Variants in CHSY1 observed in about 807,000 individuals in gnomAD.
The protein encoded by CHSY1 is chondroitin sulfate synthase 1, also known as N-acetylgalactosaminyl-proteoglycan 3-beta-glucuronosyltransferase 1.
CHSY1 carries 13 observed loss-of-function variants against 59.8 expected under a neutral mutation model. The observed-to-expected ratio is 0.22, with a 90% CI of 0.14 to 0.35. The LOEUF (loss-of-function observed/expected upper bound fraction) is 0.35. Ranked by LOEUF, CHSY1 falls within the 10% of genes least tolerant of loss-of-function variation. The pLI is 1.00. For synonymous variants in CHSY1, 459 were observed against 401.2 expected, an observed-to-expected ratio of 1.14 and a Z score of -1.72; for missense variants, 947 against 1,030.6, an observed-to-expected ratio of 0.92 and a Z score of 1.11.
At chr15:101,243,361 G>T (rs1036978851) in intron 1 of CHSY1, among the ~76,000 whole-genome samples, 6 of 152,128 alleles carry the variant, frequency 3.9e-5, no homozygotes, top group African/African-American at 1.4e-4. Context: ...ATAAATATGC[G>T]ACTAATACTT....
At position 101,240,468 on chromosome 15, in the gene CHSY1, C is replaced by T. The variant is rs75631179; in HGVS notation, c.321-4891G>A. Among the ~76,000 whole-genome samples the T allele has an allele frequency of 7.4e-3, 1,130 of 152,302 alleles. 15 individuals are homozygous for T. The highest frequency in any genetic ancestry group is 0.026 in the African/African-American group (1,077 of 41,554). On this transcript the variant is annotated intron_variant, in intron 1 of 2. Coordinates refer to ENST00000254190, the MANE Select transcript of CHSY1 (RefSeq NM_014918.5). ...CTCTCACTTAATTGAAATGACAAAA[C>T]GTTTGCAGAGGCCTTGCCAGAAAAA...
At chr15:101,245,130 T>C (rs1395155341) in intron 1 of CHSY1, among the ~76,000 whole-genome samples, 1 of 152,226 alleles carries the variant, frequency 6.6e-6, no homozygotes, top group Non-Finnish European at 1.5e-5. Flanking sequence ...CCCATCAGGC[T>C]ACTGTCCTGC....
chr15:101,238,611 T>G (rs1596454064), intron 1 of CHSY1, among the ~76,000 whole-genome samples: 1 of 152,362 alleles, frequency 6.6e-6, no homozygotes, highest in East Asian at 1.9e-4. Flanking sequence ...AAATGCATCC[T>G]AATTTCTGAG....
chr15:101,226,783 A>G (rs567557619), intron 2 of CHSY1, among the ~76,000 whole-genome samples: 1 of 152,366 alleles, frequency 6.6e-6, no homozygotes, highest in African/African-American at 2.4e-5. Flanking sequence ...AAATGAATGT[A>G]TGTGAATATT....
Position 101,179,253 on chromosome 15 carries a change from T to C in CHSY1, c.817-273A>G, listed in dbSNP as rs574246070. Among the ~76,000 whole-genome samples, 3 of 152,126 alleles carry C rather than the reference T, an allele frequency of 2.0e-5. No homozygotes were observed. In the South Asian group the frequency reaches 6.2e-4, roughly 32 times the overall value. On this transcript the variant is annotated intron_variant, in intron 2 of 2. Coordinates refer to ENST00000254190, the MANE Select transcript of CHSY1 (RefSeq NM_014918.5). ...AAAGTTGTCCCATAATGAAAACATA[T>C]AAAATTGAGATCACAGTGCACCACA...
intron 2 of CHSY1, among the ~76,000 whole-genome samples, chr15:101,191,746 AT>A (rs200573983): frequency 2.6e-5 from 4 of 151,696 alleles, no homozygotes; most frequent in South Asian, 2.1e-4. Context: ...AAAAAACTTA[AT>A]TTTTTTTTAA....
intron 2 of CHSY1, among the ~76,000 whole-genome samples, chr15:101,203,387 A>G (rs2038592632): frequency 6.6e-6 from 1 of 152,218 alleles, no homozygotes; most frequent in African/African-American, 2.4e-5. Context: ...ACAGTCATTC[A>G]AACTACTTCT....
chr15:101,224,594 C>A (rs1403246671), intron 2 of CHSY1, among the ~76,000 whole-genome samples: 1 of 152,234 alleles, frequency 6.6e-6, no homozygotes, highest in Non-Finnish European at 1.5e-5. Flanking sequence ...CCTGCCAAGT[C>A]TGGGGCCTAG....
rs1286227506 is a variant in CHSY1, at chr15:101,176,146, G to A, written c.*1242C>T. 2.5e-6 allele frequency: 1 copy of A among 397,758 alleles called. No individual in the cohort carries two copies. The highest frequency in any genetic ancestry group is 4.4e-6 in the Non-Finnish European group (1 of 225,822). The allele number at this position is 397,758 out of a possible 1,614,324, so 24.6% of individuals were successfully genotyped here. A position where few individuals can be genotyped will look rare whatever the true frequency, so the allele number is the denominator to read the frequency against. ...AGATCGGTTTACTGCAAATAAAACA[G>A]ACTAAACACACTCCCGATACACATA... is the stretch of plus-strand genomic sequence containing the variant. On this transcript the variant is annotated 3_prime_UTR_variant, in exon 3 of 3. Transcript: ENST00000254190.
chr15:101,251,109 A>G, intron 1 of CHSY1, 28 bp downstream of exon 1: 1 of 1,549,016 alleles, frequency 6.5e-7, no homozygotes, highest in Non-Finnish European at 8.7e-7. Context: ...CGGACGCAGG[A>G]GGCGGTGCCC....
At chr15:101,199,024 C>T (rs1467510012) in intron 2 of CHSY1, among the ~76,000 whole-genome samples, 1 of 152,174 alleles carries the variant, frequency 6.6e-6, no homozygotes, top group African/African-American at 2.4e-5. Flanking sequence ...CTAAGTGTGG[C>T]ATCCTCCTAA....
rs750680484 is a variant in CHSY1, at chr15:101,178,327, T to A, written c.1470A>T (p.Ala490=). The A allele has an allele frequency of 1.9e-6, 3 of 1,608,290 alleles. No individual in the cohort carries two copies. Among genetic ancestry groups the A allele is most frequent in the Non-Finnish European group, 8.5e-7 (1 of 1,175,394 alleles). The part of the protein sequence containing the change: ...IQFVEHEELD[A]QELAKRINQE... ...GATTGATTCTCTTGGCCAACTCTTG[T>A]GCATCCAGCTCCTCATGCTCCACAA... Residue 490 remains alanine, a synonymous_variant, in exon 3 of 3, where the codon GCA becomes GCT. Transcript: ENST00000254190.
intron 2 of CHSY1, chr15:101,186,843 CA>C (rs1032215201): frequency 1.3e-5 from 2 of 152,008 alleles, no homozygotes; most frequent in Non-Finnish European, 2.9e-5. Flanking sequence ...CAAAAACAGA[CA>C]AAAAACACAA....
chr15:101,249,757 C>T (rs2039088508), intron 1 of CHSY1, among the ~76,000 whole-genome samples: 1 of 152,104 alleles, frequency 6.6e-6, no homozygotes, highest in African/African-American at 2.4e-5. Context: ...TCAGGCGATC[C>T]GCCCGCCTCG....
intron 1 of CHSY1, among the ~76,000 whole-genome samples, chr15:101,245,468 C>T (rs753425873): frequency 6.6e-6 from 1 of 152,196 alleles, no homozygotes. Context: ...GTTCACGCAC[C>T]CTGACAGCCC....
chr15:101,189,186 C>T (rs1332404754), intron 2 of CHSY1, among the ~76,000 whole-genome samples: 2 of 152,344 alleles, frequency 1.3e-5, no homozygotes, highest in African/African-American at 2.4e-5. Flanking sequence ...GGGCCTGCCA[C>T]GAAGCGGCCA....
At chr15:101,206,711 A>G (rs760162049) in intron 2 of CHSY1, among the ~76,000 whole-genome samples, 1 of 152,220 alleles carries the variant, frequency 6.6e-6, no homozygotes, top group African/African-American at 2.4e-5. Flanking sequence ...GTGAGAAAAC[A>G]TGTAGGTTTG....
At chr15:101,213,241 TA>T (rs2038699180) in intron 2 of CHSY1, among the ~76,000 whole-genome samples, 1 of 152,160 alleles carries the variant, frequency 6.6e-6, no homozygotes, top group East Asian at 1.9e-4. Flanking sequence ...ACTTGACAAC[TA>T]TATCCTAAAA....
At chr15:101,213,281 T>C (rs2038699440) in intron 2 of CHSY1, among the ~76,000 whole-genome samples, 1 of 145,878 alleles carries the variant, frequency 6.9e-6, no homozygotes, top group Non-Finnish European at 1.5e-5. Flanking sequence ...TGCTACAGTG[T>C]TGTAAAATCC....
Sources: gnomAD v4.1 joint callset for allele counts (sites outside exome capture counted in the v4.1 genomes callset) on GRCh38, gnomAD v4.1.1 for gene constraint, MANE v1.5 for transcripts, NCBI Gene and HGNC (gene_info 2026-07-23, HGNC 2026-07-21) for gene names.